ABCA6: variants seen among roughly 807,000 people sequenced by gnomAD.
The protein encoded by ABCA6 is ATP binding cassette subfamily A member 6, also known as ATP-binding cassette sub-family A member 6.
Under a neutral mutation model 191.2 loss-of-function variants are expected in ABCA6, and 164 were observed. The observed-to-expected ratio is 0.86, with a 90% CI of 0.76 to 0.98. The LOEUF is 0.98. ABCA6 is among the 50% of genes least tolerant of loss of function. ABCA6 has a pLI of 0.00. For synonymous variants in ABCA6, 636 were observed against 647.7 expected (o/e 0.98, Z 0.27); for missense variants, 1,958 against 1,894.1 (o/e 1.03, Z -0.63).
chr17:69,100,339 G>A (rs2073150186), intron 22 of ABCA6, among the ~76,000 whole-genome samples: 1 of 57,532 alleles, frequency 1.7e-5, no homozygotes, highest in South Asian at 1.1e-3. Flanking sequence ...GCAACTATGA[G>A]TAGGTGAATA....
chr17:69,130,474 T>C (rs902201056), intron 6 of ABCA6, among the ~76,000 whole-genome samples: 4 of 152,200 alleles, frequency 2.6e-5, no homozygotes, highest in African/African-American at 9.6e-5. Flanking sequence ...ATATCATATG[T>C]ATGTATTATT....
Position 69,084,452 on chromosome 17 carries a change from T to G in ABCA6, c.4240A>C (p.Thr1414Pro). The change falls in exon 33 of 39, where the codon ACA (threonine) becomes CCA (proline). Residue 1414 changes from threonine (T) to proline (P), a missense_variant. Coordinates refer to ENST00000284425, the MANE Select transcript of ABCA6 (RefSeq NM_080284.3). ...CGTACCTTTCTCGTGATTCCTGCTG[T>G]TAATTTCTGCACAGGAACATTCAGC... ...EQLNVPVQKL[T>P]AGITRKLCFV... is the part of the protein sequence containing the mutation. The G allele has an allele frequency of 2.5e-6, 4 of 1,614,234 alleles. No individual in the cohort carries two copies. The highest frequency in any genetic ancestry group is 3.4e-6 in the Non-Finnish European group (4 of 1,180,026).
chr17:69,134,573 C>T (rs922950851), intron 5 of ABCA6, 66 bp downstream of exon 5: 1 of 1,170,602 alleles, frequency 8.5e-7, no homozygotes, highest in South Asian at 1.3e-5. Flanking sequence ...TATCTTTCAT[C>T]AAAAATCTTG....
At chr17:69,097,888 T>C (rs1354184973) in intron 23 of ABCA6, 32 bp downstream of exon 23, 4 of 1,497,724 alleles carry the variant, frequency 2.7e-6, no homozygotes, top group African/African-American at 1.4e-5. Context: ...TTGAAATTCC[T>C]GAAATTTCTT....
chr17:69,134,308 G>A (rs922955000), intron 5 of ABCA6, among the ~76,000 whole-genome samples: 1 of 152,088 alleles, frequency 6.6e-6, no homozygotes, highest in Non-Finnish European at 1.5e-5. Flanking sequence ...GGTCATGAGG[G>A]TGGAGCCCTC....
At chr17:69,110,765 C>A in intron 17 of ABCA6, 36 bp downstream of exon 17, 1 of 1,556,830 alleles carries the variant, frequency 6.4e-7, no homozygotes, top group South Asian at 1.2e-5. Context: ...ACATTTTTTC[C>A]CATATTTCAT....
chr17:69,119,971 C>T (rs2073611094), intron 10 of ABCA6, among the ~76,000 whole-genome samples: 1 of 151,616 alleles, frequency 6.6e-6, no homozygotes. Context: ...ATGAATACAC[C>T]CCAAAAAGCA....
At position 69,133,774 on chromosome 17, in the gene ABCA6, T is replaced by C. The variant is rs754893206; in HGVS notation, c.658A>G (p.Asn220Asp). 8 of 1,612,488 alleles carry C rather than the reference T, an allele frequency of 5.0e-6. No homozygotes were observed. The South Asian group carries it at 5.5e-5, about 11-fold the overall frequency. The change falls in exon 6 of 39, where the codon AAT becomes GAT. Residue 220 changes from asparagine (N) to aspartate (D), a missense_variant. Transcript: ENST00000284425. The stretch of plus-strand genomic sequence containing the variant: ...AAGAAGAATAAAATAAACATCTCAT[T>C]GTGAAGAAGATTTTTAGTTATGAAA... ...LPFITKNLLHNEMFILFFLLH... is the reference protein window; with the variant it reads ...LPFITKNLLHDEMFILFFLLH...
At chr17:69,084,410 G>A (rs2072722311) in intron 33 of ABCA6, 22 bp downstream of exon 33, 1 of 1,613,938 alleles carries the variant, frequency 6.2e-7, no homozygotes, top group African/African-American at 1.3e-5. Context: ...GCTCTCCATA[G>A]AGCATCACAC....
intron 25 of ABCA6, chr17:69,094,959 T>A (rs2073013601): frequency 6.5e-6 from 1 of 152,884 alleles, no homozygotes; most frequent in African/African-American, 2.4e-5. Context: ...AGCAGACCCA[T>A]GCGCAACCAC....
At chr17:69,127,641 G>C (rs1014728583) in intron 8 of ABCA6, among the ~76,000 whole-genome samples, 2 of 152,080 alleles carry the variant, frequency 1.3e-5, no homozygotes, top group Non-Finnish European at 2.9e-5. Context: ...TGAAGTGTTA[G>C]AAAAACTGGA....
At chr17:69,129,445 T>C (rs776660624) in intron 7 of ABCA6, among the ~76,000 whole-genome samples, 165 bp downstream of exon 7, 2 of 152,094 alleles carry the variant, frequency 1.3e-5, no homozygotes, top group Non-Finnish European at 2.9e-5. Context: ...ATTACATAAC[T>C]TTTTCACTCC....
intron 7 of ABCA6, 121 bp from the exon 8 acceptor site, chr17:69,128,925 G>C: frequency 1.3e-6 from 1 of 756,452 alleles, no homozygotes; most frequent in Non-Finnish European, 2.0e-6. Flanking sequence ...GTGAGAAAGT[G>C]GTGAAAATAT....
chr17:69,085,823 C>G, intron 30 of ABCA6, 107 bp from the exon 31 acceptor site: 1 of 737,122 alleles, frequency 1.4e-6, no homozygotes, highest in South Asian at 1.6e-5. Context: ...CAGTTAGTAC[C>G]ATTTTGAGAT....
chr17:69,118,934 TCACA>T (rs752347265), intron 10 of ABCA6, among the ~76,000 whole-genome samples: 167 of 150,624 alleles, frequency 1.1e-3, no homozygotes, highest in African/African-American at 3.9e-3. Context: ...TCTGTCTCTC[TCACA>T]CACACACACA....
In ABCA6 at chr17:69,096,192, G is replaced by T. The variant is rs754391873; in HGVS notation, c.3408+48C>A. 6.4e-6 allele frequency: 6 copies of T among 944,192 alleles called. No individual in the cohort carries two copies. The East Asian group carries it at 1.8e-4, about 29-fold the overall frequency. 58.5% of individuals were successfully genotyped at this position (944,192 alleles called of 1,614,324 possible). A position where few individuals can be genotyped will look rare whatever the true frequency, so the allele number is the denominator to read the frequency against. Reference sequence around the variant, plus strand: ...ATCTGTATTTAAGATTACATTAGAAGTTTAAAAAATAACACTATTTCTCTA... The same window carrying T: ...ATCTGTATTTAAGATTACATTAGAATTTTAAAAAATAACACTATTTCTCTA... On this transcript the variant is annotated intron_variant, in intron 25 of 38. Coordinates refer to ENST00000284425, the MANE Select transcript of ABCA6 (RefSeq NM_080284.3).
Position 69,085,691 on chromosome 17 carries a change from G to A in ABCA6, c.3963C>T (p.Pro1321=), listed in dbSNP as rs751590395. Residue 1321 remains proline (P), a synonymous_variant, in exon 31 of 39, where the codon CCC becomes CCT. Coordinates refer to ENST00000284425, the MANE Select transcript of ABCA6 (RefSeq NM_080284.3). ...TAGATGAACTTTTTCCAGCACCATT[G>A]GGTCCTAGCAATCCCAAAATTTCAC... ...QEGEILGLLG[P]NGAGKSSSIR... 22 of 1,610,184 alleles carry A rather than the reference G, an allele frequency of 1.4e-5. No individual in the cohort carries two copies. The highest frequency in any genetic ancestry group is 1.9e-5 in the Non-Finnish European group (22 of 1,177,638).
rs1287295404 is a variant in ABCA6, at chr17:69,128,790, G to C, written c.948C>G (p.Phe316Leu). 2 of 1,592,140 alleles carry C rather than the reference G, an allele frequency of 1.3e-6. No homozygotes were observed. The highest frequency in any genetic ancestry group is 1.7e-6 in the Non-Finnish European group (2 of 1,169,058). ...CTTTCTTTAACAGCACACTCATCAG[G>C]AACACCAAAGCTACCTGCAAGAGAG... ...LYGLSLVALV[F>L]LMSVLLKKAV... The change falls in exon 8 of 39, where the codon TTC (phenylalanine) becomes TTG (leucine). Residue 316 changes from phenylalanine (F) to leucine (L), a missense_variant. Coordinates refer to ENST00000284425, the MANE Select transcript of ABCA6 (RefSeq NM_080284.3).
intron 20 of ABCA6, 110 bp downstream of exon 20, chr17:69,105,352 T>C: frequency 9.2e-7 from 1 of 1,085,458 alleles, no homozygotes; most frequent in Non-Finnish European, 1.3e-6. Context: ...ATAAATGAAG[T>C]TTAAATACCC....
Sources: allele counts gnomAD v4.1 joint callset (sites outside exome capture counted in the v4.1 genomes callset), GRCh38; gene constraint gnomAD v4.1.1; transcripts MANE v1.5; gene names NCBI Gene and HGNC (gene_info 2026-07-23, HGNC 2026-07-21).